The following CASZ1 variants were observed in gnomAD, a reference collection of about 807,000 sequenced individuals.
The protein encoded by CASZ1 is zinc finger protein castor homolog 1.
CASZ1 carries 28 observed loss-of-function variants against 135.2 expected under a neutral mutation model. The ratio of observed to expected loss-of-function variants is 0.21; its 90% CI spans 0.15 to 0.28. The LOEUF is 0.28. CASZ1 is among the 10% of genes least tolerant of loss of function. CASZ1 has a pLI of 1.00. For synonymous variants in CASZ1, 1,068 were observed against 1,073.4 expected (o/e 0.99, Z 0.10); for missense variants, 2,161 against 2,453.3 (o/e 0.88, Z 2.52).
chr1:10,779,279 A>ATTTT lies in CASZ1; in HGVS notation c.-234+17281_-234+17284dup, dbSNP rs386366223. The stretch of plus-strand genomic sequence containing the variant: ...GTACAAACTATCTCATAATTTTATA[A>ATTTT]TTTTTTTTTTTTTTTTTTTTTTAGC... On this transcript the variant is annotated intron_variant, in intron 1 of 20. Coordinates refer to ENST00000377022, the MANE Select transcript of CASZ1 (RefSeq NM_001079843.3). 3.8e-3 allele frequency among the ~76,000 whole-genome samples: 474 copies of ATTTT among 125,206 alleles called. 9 individuals are homozygous for ATTTT. The East Asian group carries it at 0.041, about 11-fold the overall frequency. 82.1% of individuals were successfully genotyped at this position (125,206 alleles called of 152,430 possible).
chr1:10,790,644 G>A (rs992143367), intron 1 of CASZ1, among the ~76,000 whole-genome samples: 2 of 152,098 alleles, frequency 1.3e-5, no homozygotes, highest in Non-Finnish European at 2.9e-5. Flanking sequence ...GATTCATTCC[G>A]TGGACTCACA....
chr1:10,709,346 C>G lies in CASZ1; in HGVS notation c.-76-3802G>C, dbSNP rs1394822242. Reference sequence around the variant, plus strand: ...ACGCACAGCCTCTCCCTGGCCAGCCCTTTCACAGGGGCTGGGGCCATGTCA... The same window carrying G: ...ACGCACAGCCTCTCCCTGGCCAGCCGTTTCACAGGGGCTGGGGCCATGTCA... On this transcript the variant is annotated intron_variant, in intron 2 of 20. Transcript: ENST00000377022. The surrounding 1 kb of genome is among the most constrained non-coding windows in gnomAD (Gnocchi z 5.1). Among the ~76,000 whole-genome samples the G allele has an allele frequency of 6.6e-6, 1 of 152,134 alleles. No individual in the cohort carries two copies. Among genetic ancestry groups the G allele is most frequent in the African/African-American group, 2.4e-5 (1 of 41,446 alleles).
intron 1 of CASZ1, among the ~76,000 whole-genome samples, chr1:10,773,312 A>AG (rs1326417484): frequency 6.6e-6 from 1 of 150,886 alleles, no homozygotes; most frequent in Admixed American, 6.6e-5. Flanking sequence ...ACACTCCGTT[A>AG]GGCAGCCTCG....
chr1:10,664,573 G>A (rs576694986), intron 5 of CASZ1, among the ~76,000 whole-genome samples: 1 of 152,186 alleles, frequency 6.6e-6, no homozygotes, highest in South Asian at 2.1e-4. Flanking sequence ...GGAAGAGGAG[G>A]CCAAGGGGAG....
In CASZ1 at chr1:10,735,212, C is replaced by T. The variant is rs1018979068; in HGVS notation, c.-77+25489G>A. 3.3e-5 allele frequency among the ~76,000 whole-genome samples: 5 copies of T among 152,180 alleles called. No individual in the cohort carries two copies. The highest frequency in any genetic ancestry group is 3.8e-4 in the East Asian group (2 of 5,198). ...ATCACAAAATTAGTTGTCATGGCGA[C>T]GGGTTAATTACATCTCAAATTAACA... On this transcript the variant is annotated intron_variant, in intron 2 of 20. Transcript: ENST00000377022. The surrounding 1 kb of genome is among the most constrained non-coding windows in gnomAD (Gnocchi z 5.1).
chr1:10,763,599 T>C (rs1285398887), intron 1 of CASZ1, among the ~76,000 whole-genome samples: 1 of 152,166 alleles, frequency 6.6e-6, no homozygotes, highest in Admixed American at 6.5e-5. Flanking sequence ...CTGCTCCTCC[T>C]ATATCCTCCA....
In CASZ1 at chr1:10,774,241, A is replaced by C. The variant is rs1469796426; in HGVS notation, c.-233-13384T>G. On this transcript the variant is annotated intron_variant, in intron 1 of 20. Coordinates refer to ENST00000377022, the MANE Select transcript of CASZ1 (RefSeq NM_001079843.3). This position sits in a 1 kb window ranked among gnomAD's most constrained non-coding sequence, Gnocchi z 4.4. ...ACCGTCGCTAAATCCTTGGATACAC[A>C]CGGTATATCTCCTGACTCTCGGAGA... Among the ~76,000 whole-genome samples the C allele has an allele frequency of 6.6e-6, 1 of 152,020 alleles. No individual in the cohort carries two copies. Among genetic ancestry groups the C allele is most frequent in the Non-Finnish European group, 1.5e-5 (1 of 67,980 alleles).
intron 2 of CASZ1, among the ~76,000 whole-genome samples, chr1:10,729,717 T>C (rs1368528640): frequency 6.6e-6 from 1 of 152,270 alleles, no homozygotes; most frequent in African/African-American, 2.4e-5. Context: ...TGAGCGGAAC[T>C]GCCGGCGTCC....
chr1:10,771,019 C>T (rs1570578552), intron 1 of CASZ1, among the ~76,000 whole-genome samples: 1 of 152,200 alleles, frequency 6.6e-6, no homozygotes, highest in South Asian at 2.1e-4. Context: ...GGGATTGCAT[C>T]TAGGTTCAGA....
At chr1:10,640,377 C>T (rs1206642956) in intron 20 of CASZ1, among the ~76,000 whole-genome samples, 1 of 152,208 alleles carries the variant, frequency 6.6e-6, no homozygotes, top group African/African-American at 2.4e-5. Context: ...AGTGAGGACA[C>T]GTCCTGGCGC....
chr1:10,726,364 G>A lies in CASZ1; in HGVS notation c.-76-20820C>T, dbSNP rs1249176871. On this transcript the variant is annotated intron_variant, in intron 2 of 20. Transcript: ENST00000377022. This position sits in a 1 kb window ranked among gnomAD's most constrained non-coding sequence, Gnocchi z 5.7. ...ACCAACAGCCACGCTCTGGGATGCCGCCATCCTCAGCCTACTCCGTATCTC... is the reference window on the plus strand; with the variant it reads ...ACCAACAGCCACGCTCTGGGATGCCACCATCCTCAGCCTACTCCGTATCTC... Among the ~76,000 whole-genome samples the A allele has an allele frequency of 1.3e-5, 2 of 152,128 alleles. No individual in the cohort carries two copies. The highest frequency in any genetic ancestry group is 2.4e-5 in the African/African-American group (1 of 41,414).
chr1:10,649,327 C>A lies in CASZ1; in HGVS notation c.2991G>T (p.Leu997=). The A allele has an allele frequency of 6.3e-7, 1 of 1,597,016 alleles. No individual in the cohort carries two copies. Among genetic ancestry groups the A allele is most frequent in the Non-Finnish European group, 8.5e-7 (1 of 1,171,934 alleles). ...SPFLGKAVKA[L]VQEKLAEPWK... is the part of the protein sequence containing the mutation. ...AGGGCTCTGCCAACTTCTCCTGAAC[C>A]AGCGCCTTCACGGCCTTGCCTAGGA... Residue 997 remains leucine (L), a synonymous_variant, in exon 14 of 21, where the codon CTG becomes CTT. Coordinates refer to ENST00000377022, the MANE Select transcript of CASZ1 (RefSeq NM_001079843.3).
At chr1:10,768,828 A>C (rs1640524035) in intron 1 of CASZ1, among the ~76,000 whole-genome samples, 1 of 152,232 alleles carries the variant, frequency 6.6e-6, no homozygotes, top group Non-Finnish European at 1.5e-5. Context: ...CAGAGGATGC[A>C]CCAACCTCCC....
At chr1:10,766,021 C>A (rs1231731468) in intron 1 of CASZ1, among the ~76,000 whole-genome samples, 1 of 152,174 alleles carries the variant, frequency 6.6e-6, no homozygotes, top group African/African-American at 2.4e-5. Context: ...TGGAAACCAC[C>A]ACCTTTTCAC....
At chr1:10,643,063 G>C in intron 19 of CASZ1, 63 bp from the exon 20 acceptor site, 1 of 1,596,208 alleles carries the variant, frequency 6.3e-7, no homozygotes, top group Non-Finnish European at 8.6e-7. Flanking sequence ...ACAGAGGGCA[G>C]GCTGAGGCTC....
rs1232780511 is a variant in CASZ1 at position 10,676,563 on chromosome 1, T to C, written c.17-10992A>G. On this transcript the variant is annotated intron_variant, in intron 4 of 20. Coordinates refer to ENST00000377022, the MANE Select transcript of CASZ1 (RefSeq NM_001079843.3). This position sits in a 1 kb window ranked among gnomAD's most constrained non-coding sequence, Gnocchi z 4.5. ...GGGCTCCTCCATCTCTCTCTGTGCCTCTCCATCTCTCTCTGTGCCTCGGTG... is the reference window on the plus strand; with the variant it reads ...GGGCTCCTCCATCTCTCTCTGTGCCCCTCCATCTCTCTCTGTGCCTCGGTG... 6.6e-6 allele frequency among the ~76,000 whole-genome samples: 1 copy of C among 151,664 alleles called. No individual in the cohort carries two copies. Among genetic ancestry groups the C allele is most frequent in the Non-Finnish European group, 1.5e-5 (1 of 67,902 alleles).
chr1:10,703,706 C>T (rs1052716801), intron 3 of CASZ1, among the ~76,000 whole-genome samples: 1 of 152,108 alleles, frequency 6.6e-6, no homozygotes, highest in Non-Finnish European at 1.5e-5. Context: ...GGAGCTAAAA[C>T]CTCTCGAGCG....
chr1:10,751,080 T>A (rs1640142354), intron 2 of CASZ1, among the ~76,000 whole-genome samples: 1 of 151,530 alleles, frequency 6.6e-6, no homozygotes, highest in South Asian at 2.1e-4. Context: ...TTGCTATTAT[T>A]ATTATTAATT....
chr1:10,653,502 G>A lies in CASZ1; in HGVS notation c.2555C>T (p.Ala852Val), dbSNP rs1201318605. 7.4e-6 allele frequency: 12 copies of A among 1,610,912 alleles called. No individual in the cohort carries two copies. In the South Asian group the frequency reaches 1.3e-4, roughly 18 times the overall value. The change falls in exon 11 of 21, where the codon GCC becomes GTC. Residue 852 changes from alanine (A) to valine (V), a missense_variant. Transcript: ENST00000377022. ...SGAGDSAPVA[A>V]ASVPAPPASI... The stretch of plus-strand genomic sequence containing the variant: ...GGCGGGTGGTGCCGGGACAGAGGCG[G>A]CAGCCACGGGGGCTGAGTCTCCAGC...
Sources: allele counts gnomAD v4.1 joint callset (sites outside exome capture counted in the v4.1 genomes callset), GRCh38; gene constraint gnomAD v4.1.1; non-coding constraint Gnocchi (gnomAD v3.1); transcripts MANE v1.5; gene names NCBI Gene and HGNC (gene_info 2026-07-23, HGNC 2026-07-21).